Variants in TENM4 observed in about 807,000 individuals in gnomAD.
TENM4 encodes teneurin-4.
Under a neutral mutation model 243.3 loss-of-function variants are expected in TENM4, and 82 were observed. The ratio of observed to expected loss-of-function variants is 0.34; its 90% confidence interval spans 0.28 to 0.40. TENM4 has a LOEUF of 0.40. TENM4 is among the 10% of genes least tolerant of loss of function. TENM4 has a pLI of 1.00. For missense variants in TENM4, 3,138 were observed against 3,673.3 expected, an observed-to-expected ratio of 0.85 and a Z score of 3.77; for synonymous variants, 1,412 against 1,456.3, an observed-to-expected ratio of 0.97 and a Z score of 0.69.
chr11:78,818,933 G>C (rs1857665869), intron 12 of TENM4, among the ~76,000 whole-genome samples: 1 of 147,918 alleles, frequency 6.8e-6, no homozygotes, highest in African/African-American at 2.5e-5. Flanking sequence ...CCCCCAGCTT[G>C]TTTTTCTATC....
intron 15 of TENM4, among the ~76,000 whole-genome samples, chr11:78,796,486 T>A (rs1198941369): frequency 2.0e-5 from 3 of 152,180 alleles, no homozygotes; most frequent in Non-Finnish European, 4.4e-5. Flanking sequence ...TAACCTTTTG[T>A]AAAAGGCTCA....
chr11:79,044,689 T>C (rs1471645348), intron 6 of TENM4, among the ~76,000 whole-genome samples: 1 of 152,220 alleles, frequency 6.6e-6, no homozygotes, highest in African/African-American at 2.4e-5. Context: ...CCTGTTTTTG[T>C]GATTTTTAGG....
intron 12 of TENM4, among the ~76,000 whole-genome samples, chr11:78,819,924 G>T (rs1857691147): frequency 6.6e-6 from 1 of 152,236 alleles, no homozygotes; most frequent in South Asian, 2.1e-4. Context: ...GGCTTCCCCA[G>T]AGGAGGATGG....
chr11:78,855,886 A>G, intron 11 of TENM4, 78 bp downstream of exon 11: 1 of 1,380,562 alleles, frequency 7.2e-7, no homozygotes, highest in Non-Finnish European at 1.0e-6. Flanking sequence ...AAGGCTCTGG[A>G]TTGGGCTTCT....
At position 78,727,514 on chromosome 11, in the gene TENM4, A is replaced by G. The variant is rs540900191; in HGVS notation, c.3407-1292T>C. On this transcript the variant is annotated intron_variant, in intron 22 of 33. Coordinates refer to ENST00000278550, the MANE Select transcript of TENM4 (RefSeq NM_001098816.3). The stretch of plus-strand genomic sequence containing the variant: ...ACAGAATCACATATGACTTTTTTCT[A>G]TTTTTGTCCATTTTTCAAATTTTTA... Among the ~76,000 whole-genome samples, 7 of 152,050 alleles carry G rather than the reference A, an allele frequency of 4.6e-5. No individual in the cohort carries two copies. In the East Asian group the frequency reaches 9.6e-4, roughly 21 times the overall value.
At chr11:78,794,322 G>T (rs1857119140) in intron 15 of TENM4, among the ~76,000 whole-genome samples, 1 of 152,224 alleles carries the variant, frequency 6.6e-6, no homozygotes, top group Admixed American at 6.5e-5. Flanking sequence ...CCTCTGGGTA[G>T]AGGGATCAGA....
Position 78,729,309 on chromosome 11 carries a change from A to G in TENM4, c.3406+67T>C, listed in dbSNP as rs114274609. On this transcript the variant is annotated intron_variant, in intron 22 of 33. Coordinates refer to ENST00000278550, the MANE Select transcript of TENM4 (RefSeq NM_001098816.3). The stretch of plus-strand genomic sequence containing the variant: ...GAGAAGAGGAAGGAAGGAAGAAGGA[A>G]CTAGGGAGGTAGAAAGAGTCCTCCC... 5.9e-4 allele frequency: 867 copies of G among 1,471,232 alleles called. 4 individuals are homozygous for G. In the African/African-American group the frequency reaches 8.6e-3, roughly 15 times the overall value. 91.1% of individuals were successfully genotyped at this position (1,471,232 alleles called of 1,614,324 possible). A position where few individuals can be genotyped will look rare whatever the true frequency, so the allele number is the denominator to read the frequency against.
At chr11:79,007,237 T>C (rs558529935) in intron 6 of TENM4, among the ~76,000 whole-genome samples, 1 of 152,208 alleles carries the variant, frequency 6.6e-6, no homozygotes, top group East Asian at 1.9e-4. Context: ...ATGGTTTTAC[T>C]TGACTGGAGT....
chr11:78,980,170 G>A (rs991407876), intron 6 of TENM4, among the ~76,000 whole-genome samples: 1 of 152,240 alleles, frequency 6.6e-6, no homozygotes, highest in African/African-American at 2.4e-5. Flanking sequence ...AGAAGAGGAA[G>A]ATGACTTGCT....
At chr11:79,325,292 G>A (rs1005551798) in intron 1 of TENM4, among the ~76,000 whole-genome samples, 11 of 152,156 alleles carry the variant, frequency 7.2e-5, no homozygotes, top group African/African-American at 2.7e-4. Flanking sequence ...CCATACATAG[G>A]CTACCTTCAT....
At chr11:79,164,957 ATGTG>A (rs369197845) in intron 3 of TENM4, among the ~76,000 whole-genome samples, 5,372 of 139,692 alleles carry the variant, frequency 0.038, 230 homozygotes, top group African/African-American at 0.092. Context: ...CTATATATAT[ATGTG>A]TGTGTGTGTG....
intron 20 of TENM4, among the ~76,000 whole-genome samples, chr11:78,734,797 T>C (rs1790555): frequency 0.87 from 133,040 of 152,192 alleles, 58,883 homozygotes; most frequent in African/African-American, 0.93. Flanking sequence ...CCAGGGACAT[T>C]GAGTCCTCTG....
chr11:78,750,107 C>T (rs1438322469), intron 19 of TENM4, among the ~76,000 whole-genome samples: 1 of 152,212 alleles, frequency 6.6e-6, no homozygotes, highest in Non-Finnish European at 1.5e-5. Context: ...TGCTGTTGCT[C>T]ACACTGGTTC....
At chr11:78,702,552 G>A (rs889271223) in intron 27 of TENM4, 149 bp from the exon 28 acceptor site, 48 of 963,710 alleles carry the variant, frequency 5.0e-5, no homozygotes, top group African/African-American at 1.6e-4. Flanking sequence ...ACAATGAAGC[G>A]TCAGCCCCCT....
chr11:78,753,818 T>C (rs796920104), intron 19 of TENM4, among the ~76,000 whole-genome samples: 6 of 152,292 alleles, frequency 3.9e-5, no homozygotes, highest in African/African-American at 1.4e-4. Flanking sequence ...GTATTACAGG[T>C]TTGGAGAGAT....
intron 15 of TENM4, among the ~76,000 whole-genome samples, chr11:78,797,163 A>G (rs1857178434): frequency 6.6e-6 from 1 of 152,254 alleles, no homozygotes; most frequent in Non-Finnish European, 1.5e-5. Context: ...GAAGCCTGGA[A>G]GTGAATCATT....
chr11:78,689,279 T>C (rs549431444), intron 28 of TENM4, among the ~76,000 whole-genome samples: 101 of 152,342 alleles, frequency 6.6e-4, no homozygotes, highest in African/African-American at 2.4e-3. Context: ...CATGCGCTCC[T>C]CCCTGGCAGG....
chr11:78,921,889 T>G (rs1199386219), intron 6 of TENM4, among the ~76,000 whole-genome samples: 1 of 152,188 alleles, frequency 6.6e-6, no homozygotes, highest in East Asian at 1.9e-4. Context: ...GTACCTACTA[T>G]GTCCAAGATC....
intron 4 of TENM4, among the ~76,000 whole-genome samples, chr11:79,140,440 G>A (rs1041875464): frequency 6.6e-6 from 1 of 152,034 alleles, no homozygotes; most frequent in Non-Finnish European, 1.5e-5. Flanking sequence ...CATGTGTTTT[G>A]TGCTGTGGGT....
Sources: allele counts gnomAD v4.1 joint callset (sites outside exome capture counted in the v4.1 genomes callset), GRCh38; gene constraint gnomAD v4.1.1; transcripts MANE v1.5; gene names NCBI Gene and HGNC (gene_info 2026-07-23, HGNC 2026-07-21).